Variants in PIK3R5 observed in about 807,000 individuals in gnomAD.
PIK3R5 encodes the protein phosphoinositide-3-kinase regulatory subunit 5, also known as phosphoinositide 3-kinase regulatory subunit 5.
In PIK3R5, 32 loss-of-function variants were observed where a neutral mutation model predicts 94.9. That is an observed-to-expected ratio of 0.34 (90% confidence interval 0.25 to 0.45). The LOEUF (loss-of-function observed/expected upper bound fraction) is 0.45. Among genes scored for constraint, PIK3R5 ranks in the 20% least tolerant of loss-of-function variants. PIK3R5 has a pLI of 1.00. For synonymous variants in PIK3R5, 443 were observed against 479.4 expected (o/e 0.92, Z 0.99); for missense variants, 853 against 1,144.6 (o/e 0.75, Z 3.68).
Position 8,893,024 on chromosome 17 carries a change from AC to A in PIK3R5, c.482+561del. Among the ~76,000 whole-genome samples, 1 of 150,816 alleles carries A rather than the reference AC, an allele frequency of 6.6e-6. No homozygotes were observed. Among genetic ancestry groups the A allele is most frequent in the East Asian group, 1.9e-4 (1 of 5,140 alleles). On this transcript the variant is annotated intron_variant, in intron 6 of 18. Coordinates refer to ENST00000447110, the MANE Select transcript of PIK3R5 (RefSeq NM_001142633.3). The surrounding 1 kb of genome is among the most constrained non-coding windows in gnomAD (Gnocchi z 5.1). ...AATAGAACAGAGCTCATCCTATGTA[AC>A]CAGGATACATTTCATTTCAGCTGTG...
chr17:8,961,504 G>A (rs1232380706), intron 1 of PIK3R5, among the ~76,000 whole-genome samples: 5 of 152,122 alleles, frequency 3.3e-5, no homozygotes, highest in South Asian at 4.1e-4. Context: ...GCGTGGAAGC[G>A]GGCGCCTGTA....
rs145506131 is a variant in PIK3R5 at position 8,882,548 on chromosome 17, T to C, written c.2206-667A>G. On this transcript the variant is annotated intron_variant, in intron 15 of 18. Transcript: ENST00000447110. The surrounding 1 kb of genome is among the most constrained non-coding windows in gnomAD (Gnocchi z 4.1). ...GAGTCTCCTCCGTGACCTTTTTCCA[T>C]TAGCAGCTGTCCACCCATCTTCATA... The C allele has an allele frequency of 3.9e-5, 6 of 153,642 alleles. No homozygotes were observed. Among genetic ancestry groups the C allele is most frequent in the Admixed American group, 3.9e-4 (6 of 15,436 alleles). 9.5% of individuals were successfully genotyped at this position (153,642 alleles called of 1,614,324 possible).
intron 5 of PIK3R5, among the ~76,000 whole-genome samples, chr17:8,903,983 T>C (rs1464550389): frequency 6.6e-5 from 10 of 152,368 alleles, no homozygotes; most frequent in African/African-American, 2.4e-4. Flanking sequence ...GCCTCTAGTA[T>C]TTTACCTTGG....
rs771900551 is a variant in PIK3R5, at chr17:8,904,933, A to C, written c.274-18T>G. On this transcript the variant is annotated intron_variant, in intron 4 of 18. Coordinates refer to ENST00000447110, the MANE Select transcript of PIK3R5 (RefSeq NM_001142633.3). The surrounding 1 kb of genome is among the most constrained non-coding windows in gnomAD (Gnocchi z 5.1). ...TGTGGTGTCTAGGATGGAGGCAGGCAACAAGCAAAGAGATCTAGGTGAGAA... is the reference window on the plus strand; with the variant it reads ...TGTGGTGTCTAGGATGGAGGCAGGCCACAAGCAAAGAGATCTAGGTGAGAA... 8.1e-6 allele frequency: 13 copies of C among 1,610,198 alleles called. No homozygotes were observed. In the South Asian group the frequency reaches 1.2e-4, roughly 15 times the overall value.
At chr17:8,929,086 CA>C (rs146828600) in intron 1 of PIK3R5, among the ~76,000 whole-genome samples, 6 of 152,098 alleles carry the variant, frequency 3.9e-5, no homozygotes, top group Non-Finnish European at 8.8e-5. Flanking sequence ...AAAAGCTATA[CA>C]AATAGATATA....
intron 1 of PIK3R5, among the ~76,000 whole-genome samples, chr17:8,912,238 C>G (rs2090542290): frequency 6.6e-6 from 1 of 152,174 alleles, no homozygotes; most frequent in African/African-American, 2.4e-5. Context: ...TGAGAGCCCC[C>G]AGCAGGGCCA....
intron 6 of PIK3R5, among the ~76,000 whole-genome samples, chr17:8,891,488 C>T (rs2090021941): frequency 6.6e-6 from 1 of 152,212 alleles, no homozygotes; most frequent in South Asian, 2.1e-4. Flanking sequence ...CAGGCTTTCA[C>T]TGGCTGGGAG....
intron 1 of PIK3R5, among the ~76,000 whole-genome samples, chr17:8,951,085 C>T (rs1431648009): frequency 2.0e-5 from 3 of 152,126 alleles, no homozygotes; most frequent in African/African-American, 7.2e-5. Context: ...TGTGTGTTGA[C>T]CATTTGTACG....
intron 1 of PIK3R5, among the ~76,000 whole-genome samples, chr17:8,952,123 C>A (rs1379620685): frequency 6.6e-6 from 1 of 152,222 alleles, no homozygotes; most frequent in Non-Finnish European, 1.5e-5. Flanking sequence ...ACAAAAGGAA[C>A]CTTGGTTCCC....
At chr17:8,923,917 C>G (rs954013581) in intron 1 of PIK3R5, among the ~76,000 whole-genome samples, 1 of 135,338 alleles carries the variant, frequency 7.4e-6, no homozygotes, top group Non-Finnish European at 1.6e-5. Flanking sequence ...CTTCCCTTCC[C>G]TTTTCAAGAC....
At position 8,889,004 on chromosome 17, in the gene PIK3R5, T is replaced by G; in HGVS notation, c.896-113A>C. Reference sequence around the variant, plus strand: ...AGGGCCAGCCCAGGACTCCTAGCACTGCCCCCTTGCTCTGCTTAGAGCCTG... The same window carrying G: ...AGGGCCAGCCCAGGACTCCTAGCACGGCCCCCTTGCTCTGCTTAGAGCCTG... On this transcript the variant is annotated intron_variant, in intron 9 of 18. Transcript: ENST00000447110. This position sits in a 1 kb window ranked among gnomAD's most constrained non-coding sequence, Gnocchi z 4.1. 4 of 1,514,786 alleles carry G rather than the reference T, an allele frequency of 2.6e-6. No individual in the cohort carries two copies. Among genetic ancestry groups the G allele is most frequent in the Non-Finnish European group, 2.7e-6 (3 of 1,128,556 alleles). The allele number at this position is 1,514,786 out of a possible 1,614,324, so 93.8% of individuals were successfully genotyped here.
intron 1 of PIK3R5, among the ~76,000 whole-genome samples, chr17:8,946,045 A>G (rs1368037424): frequency 6.6e-6 from 1 of 152,188 alleles, no homozygotes; most frequent in Non-Finnish European, 1.5e-5. Flanking sequence ...CCCAGACATC[A>G]CTGAACACAG....
At position 8,887,820 on chromosome 17, in the gene PIK3R5, C is replaced by T. The variant is rs965343184; in HGVS notation, c.1617-137G>A. On this transcript the variant is annotated intron_variant, in intron 10 of 18. Coordinates refer to ENST00000447110, the MANE Select transcript of PIK3R5 (RefSeq NM_001142633.3). ...CCAGCCTGGTCAACAGAGGGAAACC[C>T]CATCTCTACTAAGACAAAAAAAAAA... The T allele has an allele frequency of 2.1e-4, 150 of 711,650 alleles. 1 individual carries two copies. Among genetic ancestry groups the T allele is most frequent in the Admixed American group, 3.6e-4 (12 of 33,294 alleles). The allele number at this position is 711,650 out of a possible 1,614,324, so 44.1% of individuals were successfully genotyped here.
At chr17:8,905,648 T>C in intron 4 of PIK3R5, 21 bp downstream of exon 4, 2 of 1,574,440 alleles carry the variant, frequency 1.3e-6, no homozygotes, top group Non-Finnish European at 1.7e-6. Context: ...ACCTCCAGCA[T>C]CCTGGCCCAC....
At position 8,888,432 on chromosome 17, in the gene PIK3R5, G is replaced by T; in HGVS notation, c.1355C>A (p.Pro452His). 1 of 1,599,216 alleles carries T rather than the reference G, an allele frequency of 6.3e-7. No individual in the cohort carries two copies. The highest frequency in any genetic ancestry group is 8.5e-7 in the Non-Finnish European group (1 of 1,174,184). Residue 452 changes from proline to histidine, a missense_variant, in exon 10 of 19, where the codon CCC becomes CAC. Transcript: ENST00000447110. The surrounding 1 kb of genome is among the most constrained non-coding windows in gnomAD (Gnocchi z 7.8). ...GCAGAGGCTCCCTGCCCGCCTCAGG[G>T]GCAGGGCCGTGTCCGAGCTGCCCTC... ...SLEGSSDTAL[P>H]LRRAGSLCSP...
chr17:8,952,669 A>G lies in PIK3R5; in HGVS notation c.-14+12927T>C, dbSNP rs75030566. ...TAGGGGTAATCTCTTACTGGTCAAT[A>G]AAGTACCATGAGAATAAATTATGGG... On this transcript the variant is annotated intron_variant, in intron 1 of 18. Coordinates refer to ENST00000447110, the MANE Select transcript of PIK3R5 (RefSeq NM_001142633.3). Among the ~76,000 whole-genome samples, 5 of 152,366 alleles carry G rather than the reference A, an allele frequency of 3.3e-5. No homozygotes were observed. In the East Asian group the frequency reaches 9.6e-4, roughly 29 times the overall value.
chr17:8,901,405 T>TG lies in PIK3R5; in HGVS notation c.412+3371dup, dbSNP rs146076066. ...TTTGTAATGACAGACAGCTGACTGA[T>TG]GGGGGGGCAGGTAGATCAGCTGATT... is the stretch of plus-strand genomic sequence containing the variant. On this transcript the variant is annotated intron_variant, in intron 5 of 18. Coordinates refer to ENST00000447110, the MANE Select transcript of PIK3R5 (RefSeq NM_001142633.3). Among the ~76,000 whole-genome samples, 1,377 of 152,070 alleles carry TG rather than the reference T, an allele frequency of 9.1e-3. 14 individuals are homozygous for TG. The highest frequency in any genetic ancestry group is 0.028 in the African/African-American group (1,163 of 41,450).
At chr17:8,958,273 A>G (rs905586940) in intron 1 of PIK3R5, among the ~76,000 whole-genome samples, 19 of 116,304 alleles carry the variant, frequency 1.6e-4, no homozygotes, top group African/African-American at 5.6e-4. Flanking sequence ...CCAGAGTGAG[A>G]CTGTCTCAAA....
intron 3 of PIK3R5, among the ~76,000 whole-genome samples, chr17:8,908,143 G>C (rs996954826): frequency 2.8e-4 from 42 of 152,154 alleles, no homozygotes; most frequent in African/African-American, 1.0e-3. Context: ...AAGGTTTCTC[G>C]GTCCATTTTG....
Sources: gnomAD v4.1 joint callset for allele counts (sites outside exome capture counted in the v4.1 genomes callset) on GRCh38, gnomAD v4.1.1 for gene constraint, Gnocchi (gnomAD v3.1) non-coding constraint, MANE v1.5 for transcripts, NCBI Gene and HGNC (gene_info 2026-07-23, HGNC 2026-07-21) for gene names.